Variants in SOX13 observed in about 807,000 individuals in gnomAD.
SOX13 encodes the protein SRY-box transcription factor 13.
In SOX13, 28 loss-of-function variants were observed where a neutral mutation model predicts 71.8. That is an observed-to-expected ratio of 0.39 (90% CI 0.29 to 0.53). The LOEUF (loss-of-function observed/expected upper bound fraction) is 0.53. Ranked by LOEUF, SOX13 falls within the 20% of genes least tolerant of loss-of-function variation. The pLI is 0.70. For synonymous variants in SOX13, 309 were observed against 317.8 expected (o/e 0.97, Z 0.29); for missense variants, 627 against 810.3 (o/e 0.77, Z 2.75).
Position 204,114,435 on chromosome 1 carries a change from A to G in SOX13, c.331+3A>G, listed in dbSNP as rs767585654. On this transcript the variant is annotated splice_donor_region_variant and intron_variant, in intron 3 of 13. Coordinates refer to ENST00000367204, the MANE Select transcript of SOX13 (RefSeq NM_005686.3). ...CTTCAACCGAAATTTGAAAGAAGGT[A>G]GGATGTCTGCCCTAGTTAGAAGCAG... 1 of 1,611,264 alleles carries G rather than the reference A, an allele frequency of 6.2e-7. No homozygotes were observed. Among genetic ancestry groups the G allele is most frequent in the Middle Eastern group, 1.7e-4 (1 of 6,056 alleles).
At chr1:204,122,173 TCTGTCCTG>T (rs1656821670) in intron 8 of SOX13, 56 bp from the exon 9 acceptor site, 2 of 1,384,664 alleles carry the variant, frequency 1.4e-6, no homozygotes. Flanking sequence ...TCACTTCCTC[TCTGTCCTG>T]CTGTGGGAGT....
At chr1:204,093,064 T>C (rs1235825750) in intron 1 of SOX13, among the ~76,000 whole-genome samples, 1 of 152,102 alleles carries the variant, frequency 6.6e-6, no homozygotes, top group Non-Finnish European at 1.5e-5. Flanking sequence ...CCCCATTCAG[T>C]CAAAGAAGCA....
intron 1 of SOX13, among the ~76,000 whole-genome samples, chr1:204,112,534 C>G (rs2102253307): frequency 6.6e-6 from 1 of 151,584 alleles, no homozygotes; most frequent in African/African-American, 2.4e-5. Context: ...CACACTTTCT[C>G]TCTCTCGCTG....
chr1:204,096,767 A>G (rs1656260943), intron 1 of SOX13, among the ~76,000 whole-genome samples: 1 of 152,074 alleles, frequency 6.6e-6, no homozygotes. Context: ...CCAGGCTTCT[A>G]TCTGTTTTTC....
chr1:204,110,119 G>A (rs866225952), intron 1 of SOX13, among the ~76,000 whole-genome samples: 6 of 151,094 alleles, frequency 4.0e-5, no homozygotes, highest in Non-Finnish European at 4.4e-5. Flanking sequence ...GGCATGAGCC[G>A]CCGCGTCTGG....
chr1:204,088,145 T>C (rs1256499852), intron 1 of SOX13, among the ~76,000 whole-genome samples: 1 of 152,200 alleles, frequency 6.6e-6, no homozygotes, highest in Non-Finnish European at 1.5e-5. Flanking sequence ...TGGAAGGATG[T>C]GTGCTTGTAG....
intron 1 of SOX13, among the ~76,000 whole-genome samples, chr1:204,078,896 CT>C (rs1166721142): frequency 1.3e-5 from 2 of 152,234 alleles, no homozygotes; most frequent in Non-Finnish European, 2.9e-5. Context: ...AATGCAAATA[CT>C]TTCTCTGAGG....
chr1:204,074,381 A>G (rs1341347410), intron 1 of SOX13: 3 of 111,320 alleles, frequency 2.7e-5, no homozygotes, highest in Non-Finnish European at 5.2e-5. Flanking sequence ...CCGCCCTGGG[A>G]TATCGTAGGT....
intron 13 of SOX13, among the ~76,000 whole-genome samples, chr1:204,125,184 A>T (rs1343242161): frequency 1.3e-5 from 2 of 152,180 alleles, no homozygotes; most frequent in African/African-American, 2.4e-5. Context: ...AAATCAAAGT[A>T]TTCATCACAC....
Position 204,081,175 on chromosome 1 carries a change from A to G in SOX13, c.-2+7464A>G, listed in dbSNP as rs1002223736. Among the ~76,000 whole-genome samples, 6 of 152,020 alleles carry G rather than the reference A, an allele frequency of 3.9e-5. No individual in the cohort carries two copies. The highest frequency in any genetic ancestry group is 3.3e-4 in the Admixed American group (5 of 15,272). ...TGATCCGCCTGCTTTGGCCTCCCGAAGTGCTGGGATTACAGGCATGAGCCA... is the reference window on the plus strand; with the variant it reads ...TGATCCGCCTGCTTTGGCCTCCCGAGGTGCTGGGATTACAGGCATGAGCCA... On this transcript the variant is annotated intron_variant, in intron 1 of 13. Coordinates refer to ENST00000367204, the MANE Select transcript of SOX13 (RefSeq NM_005686.3). The surrounding 1 kb of genome is among the most constrained non-coding windows in gnomAD (Gnocchi z 4.3).
At chr1:204,106,359 A>G (rs1370827772) in intron 1 of SOX13, among the ~76,000 whole-genome samples, 1 of 152,096 alleles carries the variant, frequency 6.6e-6, no homozygotes, top group Non-Finnish European at 1.5e-5. Flanking sequence ...AAGCATCCAG[A>G]CCTGCTTTGT....
At chr1:204,088,819 T>C (rs1449109260) in intron 1 of SOX13, among the ~76,000 whole-genome samples, 1 of 152,136 alleles carries the variant, frequency 6.6e-6, no homozygotes. Flanking sequence ...TGCCTGGCAC[T>C]CAGCAGGTAC....
At chr1:204,106,588 C>T (rs1034730842) in intron 1 of SOX13, among the ~76,000 whole-genome samples, 3 of 149,062 alleles carry the variant, frequency 2.0e-5, no homozygotes, top group Non-Finnish European at 4.4e-5. Context: ...GGCGTGATCT[C>T]AACTGACTGC....
chr1:204,116,383 G>T, intron 4 of SOX13, 124 bp from the exon 5 acceptor site: 1 of 1,585,552 alleles, frequency 6.3e-7, no homozygotes, highest in Non-Finnish European at 8.6e-7. Flanking sequence ...CTGTGGCTCA[G>T]CCCCTAATGG....
rs1302348923 is a variant in SOX13, at chr1:204,081,024, G to T, written c.-2+7313G>T. On this transcript the variant is annotated intron_variant, in intron 1 of 13. Transcript: ENST00000367204. The surrounding 1 kb of genome is among the most constrained non-coding windows in gnomAD (Gnocchi z 4.3). ...CCTCCCAGGTTCAAGCAATTCTCCT[G>T]CCTCAGCCTCCTGAGTAGCTGGGAT... Among the ~76,000 whole-genome samples the T allele has an allele frequency of 6.7e-6, 1 of 150,306 alleles. No individual in the cohort carries two copies. The highest frequency in any genetic ancestry group is 1.5e-5 in the Non-Finnish European group (1 of 67,886).
chr1:204,074,504 G>A (rs1655744229), intron 1 of SOX13: 1 of 152,156 alleles, frequency 6.6e-6, no homozygotes, highest in African/African-American at 2.4e-5. Context: ...CCCACCCCGC[G>A]CGTTCCGTAC....
At chr1:204,079,158 C>A (rs960005323) in intron 1 of SOX13, among the ~76,000 whole-genome samples, 3 of 151,822 alleles carry the variant, frequency 2.0e-5, no homozygotes, top group Admixed American at 6.6e-5. Context: ...ATTAGCCGGG[C>A]GTGGAGGCGT....
intron 2 of SOX13, 111 bp from the exon 3 acceptor site, chr1:204,114,210 C>A: frequency 1.5e-6 from 1 of 661,256 alleles, no homozygotes; most frequent in Non-Finnish European, 2.6e-6. Flanking sequence ...AGAAGTAGGA[C>A]TTGGATAGGG....
chr1:204,084,218 G>C (rs895363956), intron 1 of SOX13, among the ~76,000 whole-genome samples: 1 of 152,188 alleles, frequency 6.6e-6, no homozygotes, highest in African/African-American at 2.4e-5. Context: ...ACCATACGTG[G>C]GGGCCCTGCC....
Sources: gnomAD v4.1 joint callset for allele counts (sites outside exome capture counted in the v4.1 genomes callset) on GRCh38, gnomAD v4.1.1 for gene constraint, Gnocchi (gnomAD v3.1) non-coding constraint, MANE v1.5 for transcripts, NCBI Gene and HGNC (gene_info 2026-07-23, HGNC 2026-07-21) for gene names.